ZSCAN25: variants seen among roughly 807,000 people sequenced by gnomAD.
ZSCAN25 encodes zinc finger and SCAN domain containing 25, also known as zinc finger and SCAN domain-containing protein 25.
A neutral mutation model predicts 38.7 loss-of-function variants in ZSCAN25; 27 were observed. The ratio of observed to expected loss-of-function variants is 0.70; its 90% confidence interval spans 0.51 to 0.96. The LOEUF (loss-of-function observed/expected upper bound fraction) is 0.96, where lower values mean the gene tolerates loss of function less well. Among genes scored for constraint, ZSCAN25 ranks in the 40% least tolerant of loss-of-function variants. The probability of loss-of-function intolerance (pLI) is 0.00; values close to 1 mark genes in which losing one functional copy is unlikely to be tolerated. For missense variants in ZSCAN25, 637 were observed against 705.9 expected, an observed-to-expected ratio of 0.90 and a Z score of 1.11; for synonymous variants, 273 against 277.7, an observed-to-expected ratio of 0.98 and a Z score of 0.17.
the ZSCAN25 span, chr7:99,647,812 G>A: frequency 1.0e-6 from 1 of 985,386 alleles, no homozygotes; most frequent in Non-Finnish European, 1.2e-6. Flanking sequence ...CAGTTCTATA[G>A]ATTTCTCTTT....
chr7:99,711,896 G>C, the ZSCAN25 span, among the ~76,000 whole-genome samples: 1 of 152,208 alleles, frequency 6.6e-6, no homozygotes, highest in Non-Finnish European at 1.5e-5. Flanking sequence ...AGCCCAGGTT[G>C]AGAAGTATGG....
At position 99,619,586 on chromosome 7, in the gene ZSCAN25, C is replaced by A; in HGVS notation, c.-21C>A. Reference sequence around the variant, plus strand: ...GGTCATTGATGCAGTCATTCTCAGTCTCCTCGGAGGGAGTCTGAAGATGCT... The same window carrying A: ...GGTCATTGATGCAGTCATTCTCAGTATCCTCGGAGGGAGTCTGAAGATGCT... On this transcript the variant is annotated 5_prime_UTR_variant, in exon 4 of 8. Transcript: ENST00000394152. The A allele has an allele frequency of 1.3e-6, 2 of 1,589,880 alleles. No individual in the cohort carries two copies. Among genetic ancestry groups the A allele is most frequent in the South Asian group, 2.3e-5 (2 of 87,940 alleles).
At position 99,622,474 on chromosome 7, in the gene ZSCAN25, G is replaced by T. The variant is rs73713530; in HGVS notation, c.590-75G>T. 2.9e-6 allele frequency: 4 copies of T among 1,357,688 alleles called. No individual in the cohort carries two copies. The South Asian group carries it at 3.5e-5, about 12-fold the overall frequency. The allele number at this position is 1,357,688 out of a possible 1,614,324, so 84.1% of individuals were successfully genotyped here. ...CTGAGGTTGTGAGCATCTGGTAGGG[G>T]ACACATTTGAACGAGCTAACAGCAT... On this transcript the variant is annotated intron_variant, in intron 5 of 7. Coordinates refer to ENST00000394152, the MANE Select transcript of ZSCAN25 (RefSeq NM_145115.3).
chr7:99,628,986 G>A (rs1371194298), intron 7 of ZSCAN25, among the ~76,000 whole-genome samples: 3 of 152,102 alleles, frequency 2.0e-5, no homozygotes, highest in Non-Finnish European at 4.4e-5. Flanking sequence ...ATAAGTGGGC[G>A]GGCACTGGAA....
the ZSCAN25 span, chr7:99,720,676 G>T: frequency 2.6e-6 from 1 of 391,636 alleles, no homozygotes; most frequent in Admixed American, 3.8e-5. Context: ...AAGAGATTGT[G>T]GTTAGAAATG....
the ZSCAN25 span, among the ~76,000 whole-genome samples, chr7:99,717,920 C>T: frequency 9.7e-3 from 1,474 of 152,186 alleles, 19 homozygotes; most frequent in African/African-American, 0.034. Context: ...ACCTAGCACG[C>T]GTGCAGTGTA....
chr7:99,717,105 G>A, the ZSCAN25 span: 42 of 1,596,970 alleles, frequency 2.6e-5, no homozygotes, highest in East Asian at 1.1e-4. Flanking sequence ...AACAGCGGGA[G>A]TATCAGCTCC....
At position 99,622,584 on chromosome 7, in the gene ZSCAN25, G is replaced by T. The variant is rs371604988; in HGVS notation, c.625G>T (p.Ala209Ser). 6.8e-6 allele frequency: 11 copies of T among 1,614,040 alleles called. No individual in the cohort carries two copies. The highest frequency in any genetic ancestry group is 7.6e-6 in the Non-Finnish European group (9 of 1,180,020). The change falls in exon 6 of 8, where the codon GCA becomes TCA. Residue 209 changes from alanine to serine, a missense_variant. Transcript: ENST00000394152. ...PVLQAGPGLP[A>S]VNPRDQEMAA... ...TCTGCAGGCGGGTCCTGGCCTCCCC[G>T]CAGTGAATCCCAGAGACCAAGAGAT... is the stretch of plus-strand genomic sequence containing the variant.
chr7:99,680,364 C>T, the ZSCAN25 span, among the ~76,000 whole-genome samples: 1 of 152,154 alleles, frequency 6.6e-6, no homozygotes, highest in Admixed American at 6.5e-5. Context: ...ACGTATCCTT[C>T]CAAGCCCAGC....
chr7:99,654,747 G>T, the ZSCAN25 span, among the ~76,000 whole-genome samples: 1 of 152,314 alleles, frequency 6.6e-6, no homozygotes, highest in East Asian at 1.9e-4. Flanking sequence ...AGCACCTGTT[G>T]TTTCCTGACT....
the ZSCAN25 span, among the ~76,000 whole-genome samples, chr7:99,646,931 C>T: frequency 6.6e-6 from 1 of 152,092 alleles, no homozygotes; most frequent in Non-Finnish European, 1.5e-5. Context: ...ATCCATCTAT[C>T]TATCTAGAAA....
the ZSCAN25 span, chr7:99,708,072 C>T: frequency 2.6e-6 from 4 of 1,545,170 alleles, no homozygotes; most frequent in African/African-American, 4.1e-5. Context: ...CCTCTACTAG[C>T]AGTACACAGG....
At chr7:99,647,586 A>G in the ZSCAN25 span, 1 of 984,962 alleles carries the variant, frequency 1.0e-6, no homozygotes, top group South Asian at 4.7e-5. Flanking sequence ...ATAAATCATA[A>G]CTAATAATAT....
chr7:99,669,969 T>A, the ZSCAN25 span, among the ~76,000 whole-genome samples: 1 of 152,140 alleles, frequency 6.6e-6, no homozygotes, highest in Non-Finnish European at 1.5e-5. Context: ...AGAAAATCCA[T>A]GTGCACAAGC....
At chr7:99,699,580 T>A in the ZSCAN25 span, among the ~76,000 whole-genome samples, 1 of 152,172 alleles carries the variant, frequency 6.6e-6, no homozygotes, top group Middle Eastern at 3.2e-3. Flanking sequence ...TGCTCCCTCC[T>A]GCCCCCAGAA....
the ZSCAN25 span, among the ~76,000 whole-genome samples, chr7:99,694,942 T>TA: frequency 2.5e-4 from 38 of 152,194 alleles, no homozygotes; most frequent in African/African-American, 8.9e-4. Flanking sequence ...TTCATCAAAT[T>TA]ATCACCTTTC....
chr7:99,644,500 G>A, the ZSCAN25 span, among the ~76,000 whole-genome samples: 13 of 152,194 alleles, frequency 8.5e-5, no homozygotes, highest in Non-Finnish European at 1.6e-4. Context: ...GGGACTAAAA[G>A]CATGGTGTCT....
the ZSCAN25 span, chr7:99,717,572 A>T: frequency 5.0e-6 from 8 of 1,613,632 alleles, no homozygotes; most frequent in African/African-American, 2.7e-5. Context: ...CAATGATCGT[A>T]TTCTCTTCCA....
Position 99,631,631 on chromosome 7 carries a change from A to G in ZSCAN25, c.*1611A>G, listed in dbSNP as rs141661809. On this transcript the variant is annotated 3_prime_UTR_variant, in exon 8 of 8. Coordinates refer to ENST00000394152, the MANE Select transcript of ZSCAN25 (RefSeq NM_145115.3). The stretch of plus-strand genomic sequence containing the variant: ...TCTTTTACTGAGATTTTTTTTTTTC[A>G]TTTTCCATTGTAAATAAGGTAAATG... The G allele has an allele frequency of 4.9e-5, 48 of 983,132 alleles. No homozygotes were observed. The African/African-American group carries it at 7.8e-4, about 16-fold the overall frequency. The allele number at this position is 983,132 out of a possible 1,614,324, so 60.9% of individuals were successfully genotyped here. A position where few individuals can be genotyped will look rare whatever the true frequency, so the allele number is the denominator to read the frequency against.
Sources: allele counts gnomAD v4.1 joint callset (sites outside exome capture counted in the v4.1 genomes callset), GRCh38; gene constraint gnomAD v4.1.1; transcripts MANE v1.5; gene names NCBI Gene and HGNC (gene_info 2026-07-23, HGNC 2026-07-21).